Variants in DMD observed in about 807,000 individuals in gnomAD.
DMD encodes the protein dystrophin.
In DMD, 63 loss-of-function variants were observed where a neutral mutation model predicts 330.1. That is an observed-to-expected ratio of 0.19 (90% confidence interval 0.16 to 0.24). DMD has a LOEUF of 0.24. DMD is among the 10% of genes least tolerant of loss of function. The pLI is 1.00. For synonymous variants in DMD, 1,223 were observed against 959.8 expected, an observed-to-expected ratio of 1.27 and a Z score of -5.07; for missense variants, 3,344 against 2,684.1, an observed-to-expected ratio of 1.25 and a Z score of -5.43.
At chrX:32,529,765 A>C (rs1357286559) in intron 17 of DMD, among the ~76,000 whole-genome samples, 1 of 111,291 alleles carries the variant, frequency 9.0e-6, no homozygotes, top group Non-Finnish European at 1.9e-5. Context: ...TAAAGATGTT[A>C]TAATTCCCAG....
intron 1 of DMD, among the ~76,000 whole-genome samples, chrX:33,250,085 T>TTTTATATATATATATATATATA (rs1484050730): frequency 1.9e-4 from 14 of 75,432 alleles, no homozygotes; most frequent in African/African-American, 9.4e-4. Flanking sequence ...AAACTATTCA[T>TTTTATATATATATATATATATA]TATATATATA....
At chrX:32,063,731 G>T (rs779154516) in intron 44 of DMD, among the ~76,000 whole-genome samples, 1 of 110,754 alleles carries the variant, frequency 9.0e-6, no homozygotes, top group South Asian at 3.8e-4. Flanking sequence ...ATATATATTT[G>T]TGGGTTACTT....
At chrX:32,364,846 A>G in intron 35 of DMD, 136 bp from the exon 36 acceptor site, 1 of 750,288 alleles carries the variant, frequency 1.3e-6, no homozygotes, top group Non-Finnish European at 1.9e-6. Flanking sequence ...TTTCATATAG[A>G]ATATTGCGTA....
intron 34 of DMD, among the ~76,000 whole-genome samples, chrX:32,374,593 T>C (rs1004876983): frequency 4.5e-5 from 5 of 112,096 alleles, no homozygotes. Context: ...TTGCCAACTT[T>C]GTCAAAAATC....
intron 74 of DMD, among the ~76,000 whole-genome samples, chrX:31,151,536 C>A (rs756701091): frequency 8.0e-5 from 9 of 112,142 alleles, no homozygotes; most frequent in Admixed American, 2.8e-4. Context: ...CCACAGGGCT[C>A]TTCTTTTATG....
rs181237499 is a variant in DMD, at chrX:32,682,281, T to A, written c.960+15589A>T. Among the ~76,000 whole-genome samples, 154 of 111,474 alleles carry A rather than the reference T, an allele frequency of 1.4e-3. 9 individuals are homozygous for A. The highest frequency in any genetic ancestry group is 3.8e-4 in the Non-Finnish European group (20 of 53,092). On this transcript the variant is annotated intron_variant, in intron 9 of 78. Coordinates refer to ENST00000357033, the MANE Select transcript of DMD (RefSeq NM_004006.3). ...TTCCACAAGACCCATCGATTAGAAT[T>A]ATGGATTTAAGGCTTGCAAAGGAGA...
chrX:31,436,922 TC>T (rs778965226), intron 60 of DMD, among the ~76,000 whole-genome samples: 28 of 112,142 alleles, frequency 2.5e-4, no homozygotes, highest in Non-Finnish European at 4.3e-4. Context: ...CATACTTCTT[TC>T]TTTTTTTTAT....
At chrX:32,832,660 CA>C (rs759413864) in intron 4 of DMD, among the ~76,000 whole-genome samples, 3 of 111,651 alleles carry the variant, frequency 2.7e-5, no homozygotes, top group Non-Finnish European at 5.7e-5. Flanking sequence ...ACAGGAAAGG[CA>C]AAGTAGTTTC....
chrX:32,001,516 G>A (rs945633266), intron 44 of DMD, among the ~76,000 whole-genome samples: 7 of 110,082 alleles, frequency 6.4e-5, no homozygotes, highest in Non-Finnish European at 1.1e-4. Flanking sequence ...GGGTCTCACT[G>A]GGAAGACCTC....
chrX:32,434,577 C>A (rs1408875863), intron 29 of DMD, among the ~76,000 whole-genome samples: 1 of 111,999 alleles, frequency 8.9e-6, no homozygotes, highest in Non-Finnish European at 1.9e-5. Context: ...AACTCAGTTA[C>A]TGTAATCATT....
At position 32,614,407 on chromosome X, in the gene DMD, A is replaced by G. The variant is rs746640758; in HGVS notation, c.1378T>C (p.Leu460=). The G allele has an allele frequency of 6.5e-5, 78 of 1,205,347 alleles. No individual in the cohort carries two copies. The South Asian group carries it at 1.4e-3, about 21-fold the overall frequency. The change falls in exon 12 of 79, where the codon TTG becomes CTG. Residue 460 remains leucine (L), a synonymous_variant. Transcript: ENST00000357033. ...MDLQNQKLKE[L]NDWLTKTEER... ...TCTGTTTTTGTTAGCCAGTCATTCA[A>G]CTCTTTCAGTTTCTGATTCTGGAGA...
At chrX:32,982,123 G>A (rs2092721901) in intron 2 of DMD, among the ~76,000 whole-genome samples, 1 of 111,705 alleles carries the variant, frequency 9.0e-6, no homozygotes, top group Non-Finnish European at 1.9e-5. Context: ...AACACACAAA[G>A]CATCAACTGC....
intron 2 of DMD, among the ~76,000 whole-genome samples, chrX:32,870,696 T>C: frequency 9.0e-6 from 1 of 110,733 alleles, no homozygotes; most frequent in Non-Finnish European, 1.9e-5. Flanking sequence ...ATTTAATAAA[T>C]GGTGCTGGGA....
At chrX:32,840,790 C>A (rs1049137317) in intron 4 of DMD, among the ~76,000 whole-genome samples, 2 of 112,071 alleles carry the variant, frequency 1.8e-5, no homozygotes, top group Non-Finnish European at 3.8e-5. Context: ...TCTGTAATAT[C>A]CCATCATGAG....
chrX:33,338,254 T>A (rs2054284067), intron 1 of DMD, among the ~76,000 whole-genome samples: 1 of 110,813 alleles, frequency 9.0e-6, no homozygotes, highest in Non-Finnish European at 1.9e-5. Context: ...ATGCATAGTT[T>A]ATACAAAAAG....
intron 63 of DMD, among the ~76,000 whole-genome samples, chrX:31,229,639 C>T (rs1373182860): frequency 9.0e-6 from 1 of 111,619 alleles, no homozygotes; most frequent in Non-Finnish European, 1.9e-5. Flanking sequence ...AGCACATATG[C>T]TTTTGGGGGA....
intron 59 of DMD, among the ~76,000 whole-genome samples, chrX:31,464,555 G>GA (rs773191917): frequency 8.9e-6 from 1 of 112,271 alleles, no homozygotes; most frequent in East Asian, 2.8e-4. Flanking sequence ...GAAGCGTTTT[G>GA]AATGCCATCA....
intron 7 of DMD, among the ~76,000 whole-genome samples, chrX:32,807,604 G>A (rs1291773402): frequency 9.0e-6 from 1 of 111,442 alleles, no homozygotes; most frequent in Non-Finnish European, 1.9e-5. Context: ...AGGTATACCA[G>A]GCTCTTTTAG....
chrX:31,431,811 T>TCC (rs1347683974), intron 60 of DMD, among the ~76,000 whole-genome samples: 1 of 108,562 alleles, frequency 9.2e-6, no homozygotes, highest in Non-Finnish European at 1.9e-5. Context: ...CTTTTCTTTC[T>TCC]CTCTCTCTCT....
Sources: gnomAD v4.1 joint callset for allele counts (sites outside exome capture counted in the v4.1 genomes callset) on GRCh38, gnomAD v4.1.1 for gene constraint, MANE v1.5 for transcripts, NCBI Gene and HGNC (gene_info 2026-07-23, HGNC 2026-07-21) for gene names.